The following KIAA0513 variants were observed in gnomAD, a reference collection of about 807,000 sequenced individuals.
KIAA0513 encodes the protein uncharacterized protein KIAA0513.
Under a neutral mutation model 56.5 loss-of-function variants are expected in KIAA0513, and 39 were observed. That is an observed-to-expected ratio of 0.69 (90% confidence interval 0.53 to 0.90). KIAA0513 has a LOEUF of 0.90. Among genes scored for constraint, KIAA0513 ranks in the 40% least tolerant of loss-of-function variants. The pLI is 0.00. For synonymous variants in KIAA0513, 268 were observed against 215.6 expected (o/e 1.24, Z -2.13); for missense variants, 591 against 535.2 (o/e 1.10, Z -1.03).
In KIAA0513 at chr16:85,081,258, A is replaced by T. The variant is rs527614070; in HGVS notation, c.903-57A>T. 3.0e-5 allele frequency: 45 copies of T among 1,525,250 alleles called. No homozygotes were observed. The highest frequency in any genetic ancestry group is 4.1e-5 in the Non-Finnish European group (45 of 1,100,476). The allele number at this position is 1,525,250 out of a possible 1,614,324, so 94.5% of individuals were successfully genotyped here. A position where few individuals can be genotyped will look rare whatever the true frequency, so the allele number is the denominator to read the frequency against. On this transcript the variant is annotated intron_variant, in intron 8 of 12. Coordinates refer to ENST00000683363, the MANE Select transcript of KIAA0513 (RefSeq NM_001388359.1). The surrounding 1 kb of genome is among the most constrained non-coding windows in gnomAD (Gnocchi z 4.4). ...TTGTTTATCCCTCAAGGGGCCCACA[A>T]CCCGTGTCCTCCCCGCCTCCCCTTG...
chr16:85,033,014 G>A (rs1204591667), intron 1 of KIAA0513, among the ~76,000 whole-genome samples: 1 of 152,106 alleles, frequency 6.6e-6, no homozygotes, highest in East Asian at 1.9e-4. Flanking sequence ...GTTGCGGCGG[G>A]TGTGCCTGAA....
chr16:85,082,499 C>T (rs2073757635), intron 9 of KIAA0513, 65 bp from the exon 10 acceptor site: 2 of 1,518,350 alleles, frequency 1.3e-6, no homozygotes, highest in South Asian at 1.1e-5. Flanking sequence ...TCTCTTTTTA[C>T]CATCCACATA....
chr16:85,060,097 A>G (rs1359976965), intron 1 of KIAA0513, among the ~76,000 whole-genome samples: 1 of 152,084 alleles, frequency 6.6e-6, no homozygotes, highest in Non-Finnish European at 1.5e-5. Context: ...AGTAGCTAGG[A>G]TTACAGGCAT....
At position 85,093,012 on chromosome 16, in the gene KIAA0513, GC is replaced by G. The variant is rs1337509135; in HGVS notation, c.*4689del. 6.6e-6 allele frequency: 1 copy of G among 152,340 alleles called. No individual in the cohort carries two copies. The highest frequency in any genetic ancestry group is 6.5e-5 in the Admixed American group (1 of 15,282). 9.4% of individuals were successfully genotyped at this position (152,340 alleles called of 1,614,324 possible). A position where few individuals can be genotyped will look rare whatever the true frequency, so the allele number is the denominator to read the frequency against. On this transcript the variant is annotated 3_prime_UTR_variant, in exon 13 of 13. Transcript: ENST00000683363. ...GCCTCAGTCCCCCGTGCATCCCTGG[GC>G]CTGGGTATCACATGCTCTCCAGGAA...
chr16:85,058,654 C>CAA (rs58904956), intron 1 of KIAA0513, among the ~76,000 whole-genome samples: 4 of 122,794 alleles, frequency 3.3e-5, no homozygotes, highest in Admixed American at 2.4e-4. Flanking sequence ...CTCCATCTCA[C>CAA]AAAAAAAAAA....
intron 1 of KIAA0513, among the ~76,000 whole-genome samples, 165 bp downstream of exon 1, chr16:85,028,023 G>A (rs1278487784): frequency 6.6e-6 from 1 of 152,040 alleles, no homozygotes; most frequent in East Asian, 1.9e-4. Flanking sequence ...GCGAGCGGGG[G>A]CGGGGCCTCG....
Position 85,071,804 on chromosome 16 carries a change from G to A in KIAA0513, c.351G>A (p.Glu117=). The change falls in exon 3 of 13, where the codon GAG becomes GAA. Residue 117 remains glutamate (E), a synonymous_variant. Transcript: ENST00000683363. ...FSGGEDLDQE[E]KAKFGEYCSS... ...TTAGGGAGGACTTGGATCAGGAGGA[G>A]AAAGCCAAGTTTGGAGAGTACTGCA... 6.2e-7 allele frequency: 1 copy of A among 1,601,468 alleles called. No individual in the cohort carries two copies. The highest frequency in any genetic ancestry group is 8.5e-7 in the Non-Finnish European group (1 of 1,174,204).
intron 1 of KIAA0513, among the ~76,000 whole-genome samples, chr16:85,041,540 C>G (rs982701220): frequency 6.6e-6 from 1 of 152,180 alleles, no homozygotes; most frequent in Non-Finnish European, 1.5e-5. Flanking sequence ...GGATTTATCA[C>G]AGTTCCAGTG....
intron 1 of KIAA0513, among the ~76,000 whole-genome samples, chr16:85,049,798 G>C (rs978772770): frequency 1.3e-5 from 2 of 152,142 alleles, no homozygotes; most frequent in African/African-American, 4.8e-5. Context: ...TTTCGTTATA[G>C]CAGTGCAAGA....
chr16:85,075,300 C>T (rs903286097), intron 4 of KIAA0513, among the ~76,000 whole-genome samples: 4 of 152,042 alleles, frequency 2.6e-5, no homozygotes, highest in Non-Finnish European at 5.9e-5. Context: ...AAAGAAAAGT[C>T]TAAAAGGGAT....
chr16:85,075,538 G>T (rs920618984), intron 4 of KIAA0513, among the ~76,000 whole-genome samples: 3 of 152,172 alleles, frequency 2.0e-5, no homozygotes, highest in Non-Finnish European at 4.4e-5. Flanking sequence ...GAGACTTGAG[G>T]GCTGGCATCT....
rs1401142562 is a variant in KIAA0513, at chr16:85,092,829, C to G, written c.*4504C>G. 2.0e-5 allele frequency: 3 copies of G among 152,446 alleles called. No homozygotes were observed. The East Asian group carries it at 5.8e-4, about 29-fold the overall frequency. 9.4% of individuals were successfully genotyped at this position (152,446 alleles called of 1,614,324 possible). ...CAGGGCTTCCCGGAGCCACACAGGC[C>G]ACGCACCCCAGGAACCCTTGCTGCC... On this transcript the variant is annotated 3_prime_UTR_variant, in exon 13 of 13. Transcript: ENST00000683363.
At position 85,027,807 on chromosome 16, in the gene KIAA0513, G is replaced by A. The variant is rs2072907944; in HGVS notation, c.-224G>A. The A allele has an allele frequency of 6.6e-6, 1 of 152,148 alleles. No individual in the cohort carries two copies. Among genetic ancestry groups the A allele is most frequent in the Non-Finnish European group, 1.5e-5 (1 of 68,014 alleles). The allele number at this position is 152,148 out of a possible 1,614,324, so 9.4% of individuals were successfully genotyped here. The stretch of plus-strand genomic sequence containing the variant: ...GCTCGCGGGCGGCGCAGTCGCCGCA[G>A]CAGCCGAGTCTGACGGCGCCGGTTC... On this transcript the variant is annotated 5_prime_UTR_variant, in exon 1 of 13. Transcript: ENST00000683363.
intron 1 of KIAA0513, among the ~76,000 whole-genome samples, chr16:85,046,637 G>C (rs777783891): frequency 6.6e-6 from 1 of 152,228 alleles, no homozygotes; most frequent in Non-Finnish European, 1.5e-5. Context: ...CCTAGGTCCA[G>C]AATGTGCTTG....
intron 2 of KIAA0513, among the ~76,000 whole-genome samples, chr16:85,067,685 T>C (rs2073508386): frequency 6.6e-6 from 1 of 152,198 alleles, no homozygotes; most frequent in African/African-American, 2.4e-5. Flanking sequence ...GGCTCCCAGG[T>C]GATTTGGAAG....
At chr16:85,071,903 A>C (rs771926197) in intron 3 of KIAA0513, 21 bp downstream of exon 3, 2 of 1,472,104 alleles carry the variant, frequency 1.4e-6, no homozygotes, top group South Asian at 2.3e-5. Flanking sequence ...GGTGATGGGA[A>C]GGATGGGCGT....
chr16:85,088,335 G>T lies in KIAA0513; in HGVS notation c.*10G>T. Reference sequence around the variant, plus strand: ...AATGGCCACTGAGTAGGCCCCAGAGGTCGCACTCCGCAGGAGGACTGAGGC... The same window carrying T: ...AATGGCCACTGAGTAGGCCCCAGAGTTCGCACTCCGCAGGAGGACTGAGGC... On this transcript the variant is annotated 3_prime_UTR_variant, in exon 13 of 13. Coordinates refer to ENST00000683363, the MANE Select transcript of KIAA0513 (RefSeq NM_001388359.1). The T allele has an allele frequency of 1.2e-6, 2 of 1,608,056 alleles. No individual in the cohort carries two copies. The highest frequency in any genetic ancestry group is 2.2e-5 in the East Asian group (1 of 44,880).
chr16:85,064,772 G>A lies in KIAA0513; in HGVS notation c.-172-2128G>A, dbSNP rs565151129. ...ACCATCTCGGGTCACTGCAACCTCC[G>A]CCTCCTGGGTTCAAGTAATTCTCCT... On this transcript the variant is annotated intron_variant, in intron 1 of 12. Transcript: ENST00000683363. 3.3e-5 allele frequency among the ~76,000 whole-genome samples: 5 copies of A among 152,122 alleles called. No homozygotes were observed. The South Asian group carries it at 1.0e-3, about 32-fold the overall frequency.
chr16:85,031,100 G>A (rs1422539388), intron 1 of KIAA0513, among the ~76,000 whole-genome samples: 2 of 152,204 alleles, frequency 1.3e-5, no homozygotes, highest in African/African-American at 4.8e-5. Flanking sequence ...ATGTAAGCCT[G>A]GAGAAGCTTG....
Sources: allele counts gnomAD v4.1 joint callset (sites outside exome capture counted in the v4.1 genomes callset), GRCh38; gene constraint gnomAD v4.1.1; non-coding constraint Gnocchi (gnomAD v3.1); transcripts MANE v1.5; gene names NCBI Gene and HGNC (gene_info 2026-07-23, HGNC 2026-07-21).